FBLN7: variants seen among roughly 807,000 people sequenced by gnomAD.
FBLN7 encodes the protein fibulin-7.
In FBLN7, 31 loss-of-function variants were observed where a neutral mutation model predicts 44.0. That is an observed-to-expected ratio of 0.70 (90% CI 0.53 to 0.95). The LOEUF (loss-of-function observed/expected upper bound fraction) is 0.95. FBLN7 is among the 40% of genes least tolerant of loss of function. FBLN7 has a pLI of 0.00. For missense variants in FBLN7, 573 were observed against 618.5 expected (o/e 0.93, Z 0.78); for synonymous variants, 262 against 253.4 (o/e 1.03, Z -0.32).
intron 1 of FBLN7, among the ~76,000 whole-genome samples, chr2:112,146,988 A>G (rs953532486): frequency 1.3e-5 from 2 of 152,166 alleles, no homozygotes; most frequent in African/African-American, 4.8e-5. Context: ...CTAGTTTGAT[A>G]CAATACTTAT....
chr2:112,242,756 A>G, the FBLN7 span, among the ~76,000 whole-genome samples: 1 of 152,218 alleles, frequency 6.6e-6, no homozygotes, highest in Non-Finnish European at 1.5e-5. Flanking sequence ...GAGTAACAGA[A>G]AAATTAGAAA....
intron 1 of FBLN7, among the ~76,000 whole-genome samples, chr2:112,151,033 C>T (rs148461700): frequency 1.2e-4 from 19 of 152,262 alleles, no homozygotes; most frequent in African/African-American, 4.3e-4. Flanking sequence ...AAAGACAACT[C>T]TAGAGGACTC....
At chr2:112,206,322 G>C in the FBLN7 span, among the ~76,000 whole-genome samples, 1 of 152,016 alleles carries the variant, frequency 6.6e-6, no homozygotes. Context: ...AAAGAACTTG[G>C]TTTAACTGAC....
Position 112,187,946 on chromosome 2 carries a change from GC to G in FBLN7, c.*442del, listed in dbSNP as rs1345684272. 4.8e-6 allele frequency: 1 copy of G among 208,180 alleles called. No individual in the cohort carries two copies. Among genetic ancestry groups the G allele is most frequent in the Non-Finnish European group, 9.6e-6 (1 of 104,204 alleles). 12.9% of individuals were successfully genotyped at this position (208,180 alleles called of 1,614,324 possible). ...TAGTCGTGCGGGGGGCCCTAGTCAT[GC>G]CTCTGCGCATGTGGCATAGGAAGTG... On this transcript the variant is annotated 3_prime_UTR_variant, in exon 8 of 8. Coordinates refer to ENST00000331203, the MANE Select transcript of FBLN7 (RefSeq NM_153214.3). The surrounding 1 kb of genome is among the most constrained non-coding windows in gnomAD (Gnocchi z 5.1).
At chr2:112,190,214 T>C (rs1683441312), downstream of FBLN7, 1 of 152,240 alleles carries the variant, frequency 6.6e-6, no homozygotes. Flanking sequence ...TTATTGGTGG[T>C]GACAGATGCT....
chr2:112,190,510 T>A (rs922637760), downstream of FBLN7: 1 of 152,254 alleles, frequency 6.6e-6, no homozygotes, highest in Non-Finnish European at 1.5e-5. Flanking sequence ...CTTTCCAACA[T>A]GCCCTGTGAG....
At chr2:112,183,029 G>T in intron 6 of FBLN7, 101 bp downstream of exon 6, 1 of 1,460,282 alleles carries the variant, frequency 6.8e-7, no homozygotes, top group Non-Finnish European at 9.1e-7. Context: ...GAGAGTCACA[G>T]TTTCAGATAC....
At chr2:112,168,063 G>A (rs369911160) in intron 3 of FBLN7, among the ~76,000 whole-genome samples, 1 of 152,124 alleles carries the variant, frequency 6.6e-6, no homozygotes, top group Non-Finnish European at 1.5e-5. Flanking sequence ...CAGAGCAGAC[G>A]GTCCCACCTG....
rs1410350807 is a variant in FBLN7, at chr2:112,160,792, GCA to G, written c.235+963_235+964del. Among the ~76,000 whole-genome samples, 51 of 132,000 alleles carry G rather than the reference GCA, an allele frequency of 3.9e-4. 1 individual carries two copies. Among genetic ancestry groups the G allele is most frequent in the African/African-American group, 1.2e-3 (42 of 33,936 alleles). The allele number at this position is 132,000 out of a possible 152,430, so 86.6% of individuals were successfully genotyped here. On this transcript the variant is annotated intron_variant, in intron 2 of 7. Coordinates refer to ENST00000331203, the MANE Select transcript of FBLN7 (RefSeq NM_153214.3). ...CACGCAGACGCACACGCACGCACAC[GCA>G]CACACGCACGCACACACACGCACAC...
At chr2:112,145,282 T>C in intron 1 of FBLN7, among the ~76,000 whole-genome samples, 1 of 151,390 alleles carries the variant, frequency 6.6e-6, no homozygotes, top group East Asian at 1.9e-4. Context: ...ATTTAAAAAA[T>C]TGATTGTTTG....
At chr2:112,239,396 C>T in the FBLN7 span, among the ~76,000 whole-genome samples, 2 of 152,012 alleles carry the variant, frequency 1.3e-5, no homozygotes, top group African/African-American at 2.4e-5. Context: ...TCTGATGTCA[C>T]GAAGAAATGG....
At chr2:112,140,966 G>A (rs530725219) in intron 1 of FBLN7, among the ~76,000 whole-genome samples, 16 of 152,328 alleles carry the variant, frequency 1.1e-4, no homozygotes, top group African/African-American at 3.6e-4. Flanking sequence ...TCGCTTTTAT[G>A]TTAACCATTA....
intron 2 of FBLN7, among the ~76,000 whole-genome samples, chr2:112,160,702 ACG>A (rs1330298206): frequency 6.5e-5 from 7 of 107,962 alleles, no homozygotes; most frequent in African/African-American, 1.1e-4. Flanking sequence ...GCACACACGC[ACG>A]CACACACACA....
chr2:112,158,134 T>A (rs1681532664), intron 1 of FBLN7, among the ~76,000 whole-genome samples: 1 of 148,426 alleles, frequency 6.7e-6, no homozygotes, highest in Admixed American at 6.7e-5. Context: ...CCTGACCTTG[T>A]GATCCGCCCG....
chr2:112,154,183 C>T (rs561904399), intron 1 of FBLN7, among the ~76,000 whole-genome samples: 3 of 152,200 alleles, frequency 2.0e-5, no homozygotes, highest in Non-Finnish European at 2.9e-5. Context: ...GGTTTCACTG[C>T]ATGTCTCCTC....
At chr2:112,233,323 C>G in the FBLN7 span, 1 of 1,600,338 alleles carries the variant, frequency 6.2e-7, no homozygotes, top group Non-Finnish European at 8.5e-7. Flanking sequence ...TTACACATTT[C>G]CTTTTTCTTT....
the FBLN7 span, among the ~76,000 whole-genome samples, chr2:112,217,503 GT>G: frequency 5.3e-5 from 8 of 152,332 alleles, no homozygotes; most frequent in African/African-American, 1.9e-4. Flanking sequence ...ATTGGTCTTT[GT>G]AGGTTGGATG....
chr2:112,232,055 G>GCACC, the FBLN7 span: 11 of 559,562 alleles, frequency 2.0e-5, no homozygotes, highest in Admixed American at 3.6e-5. Flanking sequence ...CGGGCGAGGT[G>GCACC]GCTCATGCCT....
chr2:112,172,017 G>A (rs1018013431), intron 3 of FBLN7, among the ~76,000 whole-genome samples: 5 of 152,146 alleles, frequency 3.3e-5, no homozygotes, highest in Non-Finnish European at 5.9e-5. Context: ...AAAGTGCTAG[G>A]ATTACAGGCG....
Sources: gnomAD v4.1 joint callset for allele counts (sites outside exome capture counted in the v4.1 genomes callset) on GRCh38, gnomAD v4.1.1 for gene constraint, Gnocchi (gnomAD v3.1) non-coding constraint, MANE v1.5 for transcripts, NCBI Gene and HGNC (gene_info 2026-07-23, HGNC 2026-07-21) for gene names.